MANF: variants seen among roughly 807,000 people sequenced by gnomAD.
MANF encodes mesencephalic astrocyte derived neurotrophic factor.
Under a neutral mutation model 19.1 loss-of-function variants are expected in MANF, and 9 were observed. That is an observed-to-expected ratio of 0.47 (90% CI 0.28 to 0.82). The LOEUF is 0.82. Ranked by LOEUF, MANF falls within the 40% of genes least tolerant of loss-of-function variation. MANF has a pLI of 0.10. For missense variants in MANF, 225 were observed against 226.7 expected (o/e 0.99, Z 0.05); for synonymous variants, 89 against 88.0 (o/e 1.01, Z -0.06).
At position 51,388,963 on chromosome 3, in the gene MANF, G is replaced by A. The variant is rs782642664; in HGVS notation, c.423G>A (p.Lys141=). ...DLKKLRVKEL[K]KILDDWGETC... is the part of the protein sequence containing the mutation. Reference sequence around the variant, plus strand: ...AGAAGCTCCGAGTTAAAGAGCTGAAGAAGATTCTGGATGACTGGGGGGAGA... The same window carrying A: ...AGAAGCTCCGAGTTAAAGAGCTGAAAAAGATTCTGGATGACTGGGGGGAGA... The change falls in exon 4 of 4, where the codon AAG becomes AAA. Residue 141 remains lysine (K), a synonymous_variant. Coordinates refer to ENST00000528157, the MANE Select transcript of MANF (RefSeq NM_006010.6). The A allele has an allele frequency of 6.2e-7, 1 of 1,600,710 alleles. No individual in the cohort carries two copies. Among genetic ancestry groups the A allele is most frequent in the East Asian group, 2.3e-5 (1 of 44,408 alleles).
In MANF at chr3:51,389,166, T is replaced by A; in HGVS notation, c.*77T>A. 7.4e-7 allele frequency: 1 copy of A among 1,350,260 alleles called. No individual in the cohort carries two copies. Among genetic ancestry groups the A allele is most frequent in the African/African-American group, 1.5e-5 (1 of 67,756 alleles). 83.6% of individuals were successfully genotyped at this position (1,350,260 alleles called of 1,614,324 possible). A position where few individuals can be genotyped will look rare whatever the true frequency, so the allele number is the denominator to read the frequency against. ...CTCCCAAAACAGCCTTTTTGTAATT[T>A]ATTTTTTAAGTGGGCTCCTGACAAT... On this transcript the variant is annotated 3_prime_UTR_variant, in exon 4 of 4. Coordinates refer to ENST00000528157, the MANE Select transcript of MANF (RefSeq NM_006010.6).
intron 2 of MANF, 98 bp from the exon 3 acceptor site, chr3:51,387,635 CAAGT>C (rs2088974942): frequency 8.6e-7 from 1 of 1,160,212 alleles, no homozygotes; most frequent in Non-Finnish European, 1.2e-6. Flanking sequence ...TCTCAAAACA[CAAGT>C]AAGGCCCTAC....
intron 1 of MANF, chr3:51,385,707 T>C (rs1378626536): frequency 5.9e-6 from 2 of 337,588 alleles, no homozygotes; most frequent in African/African-American, 2.1e-5. Context: ...TCCTGAGTTA[T>C]TGTCCCCACC....
At chr3:51,385,593 G>A (rs1377303638) in intron 1 of MANF, 157 bp downstream of exon 1, 3 of 406,546 alleles carry the variant, frequency 7.4e-6, no homozygotes, top group Non-Finnish European at 1.3e-5. Flanking sequence ...AGGAGGCTCC[G>A]GCGCCCGCCC....
chr3:51,387,197 G>A (rs1559453327), intron 2 of MANF, among the ~76,000 whole-genome samples: 1 of 152,240 alleles, frequency 6.6e-6, no homozygotes, highest in Non-Finnish European at 1.5e-5. Context: ...GCTCACACCT[G>A]TAATCTCAGC....
At chr3:51,386,021 G>A in intron 1 of MANF, 187 bp from the exon 2 acceptor site, 1 of 605,442 alleles carries the variant, frequency 1.7e-6, no homozygotes, top group Non-Finnish European at 2.9e-6. Context: ...GGGTGTACCA[G>A]GGGACCCCCG....
At position 51,389,046 on chromosome 3, in the gene MANF, C is replaced by T; in HGVS notation, c.506C>T (p.Pro169Leu). The T allele has an allele frequency of 6.2e-7, 1 of 1,612,778 alleles. No individual in the cohort carries two copies. The highest frequency in any genetic ancestry group is 8.5e-7 in the Non-Finnish European group (1 of 1,179,378). Residue 169 changes from proline to leucine, a missense_variant, in exon 4 of 4, where the codon CCT (proline) becomes CTT (leucine). Transcript: ENST00000528157. Reference sequence around the variant, plus strand: ...ATCCGGAAGATAAATGAACTGATGCCTAAATATGCCCCCAAGGCAGCCAGT... The same window carrying T: ...ATCCGGAAGATAAATGAACTGATGCTTAAATATGCCCCCAAGGCAGCCAGT... ...DYIRKINELM[P>L]KYAPKAASAR...
chr3:51,388,830 G>A, intron 3 of MANF, 75 bp from the exon 4 acceptor site: 1 of 1,170,338 alleles, frequency 8.5e-7, no homozygotes, highest in African/African-American at 1.6e-5. Flanking sequence ...CGTTCAGGGA[G>A]TGACATACTC....
At chr3:51,385,506 A>G in intron 1 of MANF, 70 bp downstream of exon 1, 1 of 242,776 alleles carries the variant, frequency 4.1e-6, no homozygotes, top group Non-Finnish European at 6.3e-6. Flanking sequence ...CCACAACATC[A>G]CCAGACGGCC....
intron 1 of MANF, 63 bp from the exon 2 acceptor site, chr3:51,386,145 C>T: frequency 1.3e-6 from 2 of 1,582,182 alleles, no homozygotes; most frequent in South Asian, 1.1e-5. Context: ...TGGCGGAGTT[C>T]TTTTCTGGTG....
rs1553620634 is a variant in MANF, at chr3:51,385,310, CGGAGGA to C, written c.-14_-9del. The C allele has an allele frequency of 0.01, 11,889 of 1,154,280 alleles. 524 individuals are homozygous for C. The African/African-American group carries it at 0.13, about 12-fold the overall frequency. The allele number at this position is 1,154,280 out of a possible 1,614,324, so 71.5% of individuals were successfully genotyped here. On this transcript the variant is annotated 5_prime_UTR_variant, in exon 1 of 4. The change creates a new upstream start codon in the 5' untranslated region. Coordinates refer to ENST00000528157, the MANE Select transcript of MANF (RefSeq NM_006010.6). ...CGGTTCAGTCGGTCGGCGGCGGCAG[CGGAGGA>C]GGAGGAGGAGGAGGAGGATGAGGAG...
intron 3 of MANF, among the ~76,000 whole-genome samples, chr3:51,388,493 G>A (rs1553621106): frequency 6.6e-6 from 1 of 152,232 alleles, no homozygotes; most frequent in Admixed American, 6.5e-5. Flanking sequence ...TACAGGTCCA[G>A]TTGGCTCCAG....
chr3:51,388,655 CTG>C (rs3050033), intron 3 of MANF, among the ~76,000 whole-genome samples: 11,064 of 152,278 alleles, frequency 0.073, 950 homozygotes, highest in East Asian at 0.33. Flanking sequence ...AGTGTGGCCT[CTG>C]TCCCTATCCT....
At chr3:51,386,424 C>T in intron 2 of MANF, 89 bp downstream of exon 2, 1 of 1,463,362 alleles carries the variant, frequency 6.8e-7, no homozygotes, top group Non-Finnish European at 9.4e-7. Flanking sequence ...TTGCCCACCT[C>T]TCTGTTCAGG....
intron 3 of MANF, 44 bp from the exon 4 acceptor site, chr3:51,388,861 A>C: frequency 7.0e-7 from 1 of 1,434,534 alleles, no homozygotes; most frequent in Non-Finnish European, 9.4e-7. Context: ...GGGGGACTGC[A>C]GGTGCTCCAC....
At chr3:51,388,472 C>T (rs562430030) in intron 3 of MANF, among the ~76,000 whole-genome samples, 27 of 152,316 alleles carry the variant, frequency 1.8e-4, no homozygotes, top group African/African-American at 5.5e-4. Flanking sequence ...CACCTACTTG[C>T]GTCTTCCTGG....
Position 51,385,346 on chromosome 3 carries a change from A to T in MANF, c.4A>T (p.Arg2Trp), listed in dbSNP as rs2088932387. Reference protein sequence around the residue: MRRMWATQGLAV... With the variant: MWRMWATQGLAV... ...GAGGAGGAGGAGGATGAGGAGGATGAGGAGGATGTGGGCCACGCAGGGGCT... is the reference window on the plus strand; with the variant it reads ...GAGGAGGAGGAGGATGAGGAGGATGTGGAGGATGTGGGCCACGCAGGGGCT... The change falls in exon 1 of 4, where the codon AGG (arginine) becomes TGG (tryptophan). Residue 2 changes from arginine (R) to tryptophan (W), a missense_variant. Transcript: ENST00000528157. 1.6e-6 allele frequency: 2 copies of T among 1,237,870 alleles called. No homozygotes were observed. The highest frequency in any genetic ancestry group is 3.2e-5 in the East Asian group (1 of 31,740). The allele number at this position is 1,237,870 out of a possible 1,614,324, so 76.7% of individuals were successfully genotyped here.
Position 51,387,748 on chromosome 3 carries a change from CG to C in MANF, c.238del (p.Ala80ProfsTer48), listed in dbSNP as rs1559453457. ...CTTTATTGCTCCAGTGCTACTATAT[CG>C]GGGCCACAGATGATGCAGCCACCAA... ...GKENRLCYYI[G>X]ATDDAATKII... is the part of the protein sequence containing the mutation. On this transcript the variant is annotated frameshift_variant, in exon 3 of 4. Transcript: ENST00000528157. LOFTEE classifies it high-confidence loss of function. 6.2e-7 allele frequency: 1 copy of C among 1,611,428 alleles called. No homozygotes were observed. The highest frequency in any genetic ancestry group is 8.5e-7 in the Non-Finnish European group (1 of 1,178,612).
chr3:51,388,101 A>G (rs1249860202), intron 3 of MANF, among the ~76,000 whole-genome samples: 1 of 152,242 alleles, frequency 6.6e-6, no homozygotes, highest in Non-Finnish European at 1.5e-5. Flanking sequence ...GGATTAGCCA[A>G]GAGGCCAGCT....
Sources: gnomAD v4.1 joint callset for allele counts (sites outside exome capture counted in the v4.1 genomes callset) on GRCh38, gnomAD v4.1.1 for gene constraint, MANE v1.5 for transcripts, NCBI Gene and HGNC (gene_info 2026-07-23, HGNC 2026-07-21) for gene names.